Variants in PRICKLE2 observed in about 807,000 individuals in gnomAD.
PRICKLE2 encodes prickle-like protein 2.
PRICKLE2 carries 21 observed loss-of-function variants against 81.4 expected under a neutral mutation model. The ratio of observed to expected loss-of-function variants is 0.26; its 90% CI spans 0.18 to 0.37. PRICKLE2 has a LOEUF of 0.37. PRICKLE2 is among the 10% of genes least tolerant of loss of function. The pLI is 1.00. For synonymous variants in PRICKLE2, 456 were observed against 421.5 expected (o/e 1.08, Z -1.00); for missense variants, 940 against 1,109.0 (o/e 0.85, Z 2.16).
At chr3:64,100,062 G>A in intron 7 of PRICKLE2, 137 bp from the exon 8 acceptor site, 1 of 920,870 alleles carries the variant, frequency 1.1e-6, no homozygotes, top group Non-Finnish European at 1.7e-6. Context: ...CTCTCAGGGG[G>A]CACATGTGCC....
chr3:64,256,021 C>A (rs2079519794), intron 2 of PRICKLE2, among the ~76,000 whole-genome samples: 1 of 152,170 alleles, frequency 6.6e-6, no homozygotes, highest in African/African-American at 2.4e-5. Context: ...CATAGTGAAG[C>A]TGCTAGACTA....
chr3:64,146,774 C>A, intron 7 of PRICKLE2, 56 bp downstream of exon 7: 1 of 1,593,278 alleles, frequency 6.3e-7, no homozygotes, highest in South Asian at 1.1e-5. Context: ...GGACCAGCAT[C>A]CAGTCACCCA....
intron 1 of PRICKLE2, among the ~76,000 whole-genome samples, chr3:64,223,136 T>C (rs1196206988): frequency 1.3e-5 from 2 of 152,248 alleles, no homozygotes; most frequent in African/African-American, 2.4e-5. Flanking sequence ...GATGTGAACA[T>C]GTTGCCTTTT....
chr3:64,136,272 A>T (rs1362380253), intron 7 of PRICKLE2, among the ~76,000 whole-genome samples: 2 of 151,868 alleles, frequency 1.3e-5, no homozygotes, highest in African/African-American at 4.8e-5. Flanking sequence ...CGAGCTCATG[A>T]GTATGGTACC....
chr3:64,221,459 GCA>G (rs1287602757), intron 1 of PRICKLE2, among the ~76,000 whole-genome samples: 17 of 120,796 alleles, frequency 1.4e-4, no homozygotes, highest in South Asian at 8.7e-4. Flanking sequence ...ACACACACAC[GCA>G]CACACACAGC....
At chr3:64,111,609 T>C (rs955082466) in intron 7 of PRICKLE2, among the ~76,000 whole-genome samples, 1 of 152,212 alleles carries the variant, frequency 6.6e-6, no homozygotes, top group Non-Finnish European at 1.5e-5. Flanking sequence ...TGTATAAATA[T>C]GAATTACATG....
intron 2 of PRICKLE2, among the ~76,000 whole-genome samples, chr3:64,182,165 T>G (rs1231805120): frequency 6.6e-6 from 1 of 151,986 alleles, no homozygotes; most frequent in Non-Finnish European, 1.5e-5. Context: ...GGAAGTTGCT[T>G]GGAATAGATT....
At chr3:64,111,079 G>C (rs2076838480) in intron 7 of PRICKLE2, among the ~76,000 whole-genome samples, 1 of 151,930 alleles carries the variant, frequency 6.6e-6, no homozygotes, top group Non-Finnish European at 1.5e-5. Context: ...TCACCTTCCA[G>C]TTCTGTCCCT....
chr3:64,231,460 T>C (rs568429644), intron 2 of PRICKLE2, among the ~76,000 whole-genome samples: 25 of 152,302 alleles, frequency 1.6e-4, no homozygotes, highest in Admixed American at 2.6e-4. Context: ...ATTTTCTTTA[T>C]GTAAAGGACT....
chr3:64,165,849 A>G (rs1395058143), intron 2 of PRICKLE2, among the ~76,000 whole-genome samples: 1 of 152,186 alleles, frequency 6.6e-6, no homozygotes, highest in Non-Finnish European at 1.5e-5. Context: ...TTGTAGAGTG[A>G]GACCAAACCC....
At chr3:64,230,625 C>T (rs968881979) in intron 2 of PRICKLE2, among the ~76,000 whole-genome samples, 6 of 152,162 alleles carry the variant, frequency 3.9e-5, no homozygotes, top group African/African-American at 1.4e-4. Context: ...CCTCCTGCAA[C>T]GGGCAGAGTA....
chr3:64,196,246 T>C (rs2078451152), intron 2 of PRICKLE2, among the ~76,000 whole-genome samples: 1 of 152,224 alleles, frequency 6.6e-6, no homozygotes, highest in African/African-American at 2.4e-5. Context: ...GAGAAAACTC[T>C]ATTTAAGCAG....
intron 7 of PRICKLE2, among the ~76,000 whole-genome samples, chr3:64,123,396 A>G (rs1422531310): frequency 6.6e-6 from 1 of 152,212 alleles, no homozygotes; most frequent in Admixed American, 6.5e-5. Flanking sequence ...ACAATATGAT[A>G]CTCAAATGCT....
chr3:64,244,624 G>GTT (rs767769133), intron 2 of PRICKLE2, among the ~76,000 whole-genome samples: 1 of 52,578 alleles, frequency 1.9e-5, no homozygotes, highest in Non-Finnish European at 6.0e-5. Flanking sequence ...GTGTGTGTGT[G>GTT]TGTGTGTGTG....
At chr3:64,207,327 G>A (rs1213549491) in intron 1 of PRICKLE2, among the ~76,000 whole-genome samples, 1 of 152,064 alleles carries the variant, frequency 6.6e-6, no homozygotes. Context: ...GAAAAAATCA[G>A]AAACTACAGA....
chr3:64,224,897 A>T lies in PRICKLE2; in HGVS notation c.-41+13T>A. On this transcript the variant is annotated intron_variant, in intron 1 of 7. Transcript: ENST00000638394. ...CTGTTTAATTTGTGAATTAGAGCAA[A>T]TTTCTTACCCACCTCCAGGGAGGAT... 1 of 984,870 alleles carries T rather than the reference A, an allele frequency of 1.0e-6. No individual in the cohort carries two copies. The highest frequency in any genetic ancestry group is 1.2e-6 in the Non-Finnish European group (1 of 829,758). 61.0% of individuals were successfully genotyped at this position (984,870 alleles called of 1,614,324 possible). A position where few individuals can be genotyped will look rare whatever the true frequency, so the allele number is the denominator to read the frequency against.
At chr3:64,180,596 T>G (rs1279882923) in intron 2 of PRICKLE2, among the ~76,000 whole-genome samples, 3 of 152,018 alleles carry the variant, frequency 2.0e-5, no homozygotes, top group Non-Finnish European at 4.4e-5. Flanking sequence ...GCAGTAGCAC[T>G]ATCTCTGCTC....
At chr3:64,211,950 G>T (rs1224195835) in intron 1 of PRICKLE2, among the ~76,000 whole-genome samples, 1 of 152,218 alleles carries the variant, frequency 6.6e-6, no homozygotes, top group Non-Finnish European at 1.5e-5. Flanking sequence ...AGGAGTCTAG[G>T]ATGGTAACAA....
At chr3:64,121,654 T>C (rs1011843518) in intron 7 of PRICKLE2, among the ~76,000 whole-genome samples, 2 of 152,228 alleles carry the variant, frequency 1.3e-5, no homozygotes, top group Non-Finnish European at 2.9e-5. Context: ...CTTATCTTGA[T>C]GGCTAAGTTT....
Sources: allele counts gnomAD v4.1 joint callset (sites outside exome capture counted in the v4.1 genomes callset), GRCh38; gene constraint gnomAD v4.1.1; transcripts MANE v1.5; gene names NCBI Gene and HGNC (gene_info 2026-07-23, HGNC 2026-07-21).